Variants in TG observed in about 807,000 individuals in gnomAD.
TG encodes thyroglobulin.
A neutral mutation model predicts 324.7 loss-of-function variants in TG; 270 were observed. That is an observed-to-expected ratio of 0.83 (90% CI 0.75 to 0.92). The LOEUF is 0.92. Ranked by LOEUF, TG falls within the 40% of genes least tolerant of loss-of-function variation. The pLI, the probability that TG is intolerant of heterozygous loss-of-function variation, is 0.00. For synonymous variants in TG, 1,401 were observed against 1,327.0 expected (o/e 1.06, Z -1.21); for missense variants, 3,591 against 3,456.4 (o/e 1.04, Z -0.98).
rs543019056 is a variant in TG, at chr8:133,031,573, T to G, written c.7239+1550T>G. Among the ~76,000 whole-genome samples, 3 of 152,274 alleles carry G rather than the reference T, an allele frequency of 2.0e-5. No homozygotes were observed. In the South Asian group the frequency reaches 6.2e-4, roughly 32 times the overall value. ...TTAGGATACTGTAAAGTTACTCAAG[T>G]TAAGGAAAGATGGAGAACAATTAAC... On this transcript the variant is annotated intron_variant, in intron 41 of 47. Coordinates refer to ENST00000220616, the MANE Select transcript of TG (RefSeq NM_003235.5).
At chr8:133,038,739 TG>T in intron 41 of TG, 2 of 1,610,800 alleles carry the variant, frequency 1.2e-6, no homozygotes, top group Non-Finnish European at 1.7e-6. Flanking sequence ...TCCTGCAGTC[TG>T]TGGGCCAGAA....
At chr8:133,060,472 T>G in intron 41 of TG, 12 of 1,041,448 alleles carry the variant, frequency 1.2e-5, no homozygotes, top group African/African-American at 1.6e-5. Context: ...GCACCCTTGC[T>G]GAGGATGGTA....
At chr8:132,922,801 C>T (rs1167518962) in intron 21 of TG, among the ~76,000 whole-genome samples, 1 of 152,174 alleles carries the variant, frequency 6.6e-6, no homozygotes, top group Non-Finnish European at 1.5e-5. Context: ...TTAAAGGGTA[C>T]AAATCTCATT....
At position 132,893,851 on chromosome 8, in the gene TG, C is replaced by T; in HGVS notation, c.2923C>T (p.Leu975Phe). ...GAATGAGGACCTCGGCCTTCCTCCG[C>T]TCTTCCCGCCCCGGGAGGCTTTCGC... Reference protein sequence around the residue: ...LRNEDLGLPPLFPPREAFAEQ... With the variant: ...LRNEDLGLPPFFPPREAFAEQ... Residue 975 changes from leucine (L) to phenylalanine (F), a missense_variant, in exon 11 of 48, where the codon CTC becomes TTC. Coordinates refer to ENST00000220616, the MANE Select transcript of TG (RefSeq NM_003235.5). The T allele has an allele frequency of 1.2e-6, 2 of 1,614,042 alleles. No individual in the cohort carries two copies. The highest frequency in any genetic ancestry group is 2.2e-5 in the South Asian group (2 of 91,088).
chr8:132,957,099 A>G (rs1239780908), intron 27 of TG, among the ~76,000 whole-genome samples: 1 of 152,146 alleles, frequency 6.6e-6, no homozygotes, highest in Non-Finnish European at 1.5e-5. Context: ...ATGTATTCCT[A>G]TGGAGACTTG....
intron 41 of TG, chr8:133,044,972 T>C (rs1839035305): frequency 9.3e-6 from 15 of 1,614,094 alleles, no homozygotes; most frequent in Non-Finnish European, 1.3e-5. Flanking sequence ...CTCCATATTG[T>C]ATGTCTCTTA....
intron 5 of TG, among the ~76,000 whole-genome samples, chr8:132,876,810 AG>A (rs1813869156): frequency 2.6e-5 from 4 of 152,366 alleles, no homozygotes; most frequent in Admixed American, 2.6e-4. Flanking sequence ...GCCTTCAAGC[AG>A]GGCTAATGCC....
At chr8:132,981,119 G>T (rs756637020) in intron 34 of TG, among the ~76,000 whole-genome samples, 1 of 152,180 alleles carries the variant, frequency 6.6e-6, no homozygotes, top group Admixed American at 6.5e-5. Context: ...AAGGTCCCAC[G>T]CAAAGACTTA....
intron 41 of TG, among the ~76,000 whole-genome samples, chr8:133,065,279 T>C (rs1400539932): frequency 6.6e-6 from 1 of 152,190 alleles, no homozygotes; most frequent in African/African-American, 2.4e-5. Flanking sequence ...CCCCACTTTA[T>C]AGCTGAGATA....
At chr8:132,872,518 G>A (rs1293979968) in intron 4 of TG, among the ~76,000 whole-genome samples, 2 of 150,798 alleles carry the variant, frequency 1.3e-5, no homozygotes, top group South Asian at 2.1e-4. Context: ...AGTAAGCTAA[G>A]GTTAACTTAT....
intron 41 of TG, among the ~76,000 whole-genome samples, chr8:133,031,245 C>G (rs997336208): frequency 1.3e-5 from 2 of 152,190 alleles, no homozygotes; most frequent in Non-Finnish European, 2.9e-5. Flanking sequence ...TGGCTTATTT[C>G]CCTTAGCATA....
At chr8:133,087,435 T>A (rs898603623) in intron 41 of TG, among the ~76,000 whole-genome samples, 33 of 152,162 alleles carry the variant, frequency 2.2e-4, no homozygotes, top group African/African-American at 7.2e-4. Context: ...CCTTCCTCCC[T>A]CGGGGTGTGA....
intron 27 of TG, among the ~76,000 whole-genome samples, chr8:132,955,050 G>T (rs555411802): frequency 2.3e-4 from 35 of 152,166 alleles, no homozygotes; most frequent in African/African-American, 8.0e-4. Context: ...CATCTGCTGG[G>T]AAGGACCCTG....
chr8:132,984,458 A>G (rs1472382901), intron 35 of TG, among the ~76,000 whole-genome samples: 1 of 152,208 alleles, frequency 6.6e-6, no homozygotes, highest in Admixed American at 6.5e-5. Context: ...GCTTCCTGAG[A>G]TACTGTAAGG....
chr8:132,972,067 T>C (rs1351116401), intron 33 of TG, among the ~76,000 whole-genome samples, 194 bp downstream of exon 33: 1 of 152,180 alleles, frequency 6.6e-6, no homozygotes, highest in African/African-American at 2.4e-5. Context: ...TGATCATCAC[T>C]TTACATGTGC....
chr8:132,893,556 T>G, intron 10 of TG, 134 bp from the exon 11 acceptor site: 1 of 1,186,632 alleles, frequency 8.4e-7, no homozygotes, highest in Non-Finnish European at 1.2e-6. Flanking sequence ...GGGGGTGGTG[T>G]GTATGTGTGT....
intron 26 of TG, among the ~76,000 whole-genome samples, chr8:132,942,844 G>A (rs1379309202): frequency 2.0e-5 from 3 of 152,222 alleles, no homozygotes; most frequent in Non-Finnish European, 2.9e-5. Flanking sequence ...TTTGTGGGAT[G>A]AGCAGTACTT....
Position 133,001,672 on chromosome 8 carries a change from C to T in TG, c.6263-10229C>T, listed in dbSNP as rs76568101. ...ATGCAATGTTGTCTCCGTCCGATGA[C>T]GACAGGGAGACGTGAGCTGGGCTCT... On this transcript the variant is annotated intron_variant, in intron 35 of 47. Coordinates refer to ENST00000220616, the MANE Select transcript of TG (RefSeq NM_003235.5). 7.5e-4 allele frequency: 648 copies of T among 860,914 alleles called. 21 individuals are homozygous for T. The East Asian group carries it at 0.062, about 82-fold the overall frequency. 53.3% of individuals were successfully genotyped at this position (860,914 alleles called of 1,614,324 possible).
In TG at chr8:132,967,955, C is replaced by G. The variant is rs199539350; in HGVS notation, c.5848C>G (p.Leu1950Val). 12 of 1,613,656 alleles carry G rather than the reference C, an allele frequency of 7.4e-6. No individual in the cohort carries two copies. In the Admixed American group the frequency reaches 1.7e-4, roughly 22 times the overall value. The change falls in exon 31 of 48, where the codon CTG becomes GTG. Residue 1950 changes from leucine to valine, a missense_variant. Coordinates refer to ENST00000220616, the MANE Select transcript of TG (RefSeq NM_003235.5). The part of the protein sequence containing the change: ...RLILPQMPKA[L>V]FRKKVILEDK... ...GATCCTGCCTCAGATGCCAAAGGCC[C>G]TGTTCCGGAAGAAAGGTGAGCACTT...
Sources: allele counts gnomAD v4.1 joint callset (sites outside exome capture counted in the v4.1 genomes callset), GRCh38; gene constraint gnomAD v4.1.1; transcripts MANE v1.5; gene names NCBI Gene and HGNC (gene_info 2026-07-23, HGNC 2026-07-21).